Variants in MYO10 observed in about 807,000 individuals in gnomAD.
MYO10 encodes the protein myosin X.
In MYO10, 133 loss-of-function variants were observed where a neutral mutation model predicts 257.3. That is an observed-to-expected ratio of 0.52 (90% confidence interval 0.45 to 0.60). The LOEUF (loss-of-function observed/expected upper bound fraction) is 0.60, where lower values mean the gene tolerates loss of function less well. Ranked by LOEUF, MYO10 falls within the 20% of genes least tolerant of loss-of-function variation. The probability of loss-of-function intolerance (pLI) is 0.00; values close to 1 mark genes in which losing one functional copy is unlikely to be tolerated. For synonymous variants in MYO10, 1,104 were observed against 1,028.6 expected, an observed-to-expected ratio of 1.07 and a Z score of -1.40; for missense variants, 2,399 against 2,635.7, an observed-to-expected ratio of 0.91 and a Z score of 1.97.
In MYO10 at chr5:16,731,044, C is replaced by CT. The variant is rs907400094; in HGVS notation, c.1930-19800dup. Among the ~76,000 whole-genome samples, 1,172 of 136,920 alleles carry CT rather than the reference C, an allele frequency of 8.6e-3. 9 individuals carry two copies. Among genetic ancestry groups the CT allele is most frequent in the East Asian group, 0.038 (180 of 4,676 alleles). The allele number at this position is 136,920 out of a possible 152,430, so 89.8% of individuals were successfully genotyped here. A position where few individuals can be genotyped will look rare whatever the true frequency, so the allele number is the denominator to read the frequency against. On this transcript the variant is annotated intron_variant, in intron 19 of 40. Transcript: ENST00000513610. The stretch of plus-strand genomic sequence containing the variant: ...ATGTACTAGCATTGATCAAAACACA[C>CT]TTTTTTTTTTTTTTTTTTGGAGACT...
At chr5:16,890,495 A>C (rs1301521196) in intron 1 of MYO10, among the ~76,000 whole-genome samples, 1 of 151,814 alleles carries the variant, frequency 6.6e-6, no homozygotes, top group Admixed American at 6.6e-5. Flanking sequence ...CATGTTCATC[A>C]ACTAGTGAAT....
chr5:16,927,213 A>T (rs1185162677), intron 1 of MYO10, among the ~76,000 whole-genome samples: 2 of 150,370 alleles, frequency 1.3e-5, no homozygotes, highest in Admixed American at 6.7e-5. Context: ...TCAGAAACAT[A>T]TATATGAAGG....
At chr5:16,864,014 C>A (rs749147124) in intron 2 of MYO10, among the ~76,000 whole-genome samples, 6 of 152,132 alleles carry the variant, frequency 3.9e-5, no homozygotes, top group Non-Finnish European at 5.9e-5. Context: ...GGGGGGATTG[C>A]TTTAGCCTGG....
intron 2 of MYO10, among the ~76,000 whole-genome samples, chr5:16,869,756 G>A (rs1057422786): frequency 4.0e-5 from 6 of 151,204 alleles, no homozygotes; most frequent in South Asian, 2.1e-4. Flanking sequence ...TCCCAGCTAC[G>A]TAGGAGGCTG....
chr5:16,785,005 G>A (rs899535953), intron 4 of MYO10, among the ~76,000 whole-genome samples: 9 of 9,046 alleles, frequency 9.9e-4, no homozygotes, highest in East Asian at 7.9e-3. Context: ...GGAGGTTTGC[G>A]CGCACACACA....
Position 16,663,347 on chromosome 5 carries a change from T to G in MYO10, c.*3345A>C, listed in dbSNP as rs1736045646. ...CTAGTTGTTTTTTTTTTTTTTTTTTTTTTTTTTTTTTTTTTTTTTTACAAA... is the reference window on the plus strand; with the variant it reads ...CTAGTTGTTTTTTTTTTTTTTTTTTGTTTTTTTTTTTTTTTTTTTTACAAA... On this transcript the variant is annotated 3_prime_UTR_variant, in exon 41 of 41. Coordinates refer to ENST00000513610, the MANE Select transcript of MYO10 (RefSeq NM_012334.3). 1.1e-5 allele frequency: 1 copy of G among 94,046 alleles called. No homozygotes were observed. Among genetic ancestry groups the G allele is most frequent in the African/African-American group, 2.9e-5 (1 of 34,298 alleles). 5.8% of individuals were successfully genotyped at this position (94,046 alleles called of 1,614,324 possible).
chr5:16,928,867 A>C (rs118041218), intron 1 of MYO10, among the ~76,000 whole-genome samples: 5 of 150,880 alleles, frequency 3.3e-5, no homozygotes, highest in African/African-American at 9.8e-5. Context: ...CAACAACAAA[A>C]ACACACACAC....
At chr5:16,736,491 CTG>C (rs1047413407) in intron 19 of MYO10, among the ~76,000 whole-genome samples, 1 of 152,164 alleles carries the variant, frequency 6.6e-6, no homozygotes, top group Non-Finnish European at 1.5e-5. Context: ...TGCTCACAGG[CTG>C]TGTTAGAAGC....
In MYO10 at chr5:16,936,020, G is replaced by A. The variant is rs1177920885; in HGVS notation, c.-212C>T. 1.7e-6 allele frequency: 1 copy of A among 602,782 alleles called. No individual in the cohort carries two copies. Among genetic ancestry groups the A allele is most frequent in the Non-Finnish European group, 2.9e-6 (1 of 339,200 alleles). 37.3% of individuals were successfully genotyped at this position (602,782 alleles called of 1,614,324 possible). On this transcript the variant is annotated 5_prime_UTR_variant, in exon 1 of 41. Coordinates refer to ENST00000513610, the MANE Select transcript of MYO10 (RefSeq NM_012334.3). The stretch of plus-strand genomic sequence containing the variant: ...CCCTAACTCGCCCGTCCCGACGGCA[G>A]CCTTTGTCTCTTCTTCCTCCAAGTT...
At chr5:16,763,575 T>TA (rs1206954007) in intron 13 of MYO10, 28 bp from the exon 14 acceptor site, 1 of 1,598,272 alleles carries the variant, frequency 6.3e-7, no homozygotes, top group Admixed American at 1.7e-5. Flanking sequence ...ACAGCCAAGT[T>TA]AAATGAAAAC....
intron 1 of MYO10, chr5:16,902,547 T>A: frequency 6.3e-7 from 1 of 1,582,228 alleles, no homozygotes; most frequent in Non-Finnish European, 8.6e-7. Flanking sequence ...GGCCTTGTCC[T>A]TGGGCACGCA....
rs1483866689 is a variant in MYO10, at chr5:16,771,097, A to G, written c.931-1894T>C. 2.0e-5 allele frequency among the ~76,000 whole-genome samples: 3 copies of G among 152,234 alleles called. No homozygotes were observed. In the South Asian group the frequency reaches 6.2e-4, roughly 32 times the overall value. On this transcript the variant is annotated intron_variant, in intron 9 of 40. Transcript: ENST00000513610. Reference sequence around the variant, plus strand: ...TTAATTTCTTTATAAAGAAAAAGCAATAATGGCAGGAAAGAAAAGGCAAAC... The same window carrying G: ...TTAATTTCTTTATAAAGAAAAAGCAGTAATGGCAGGAAAGAAAAGGCAAAC...
At chr5:16,671,075 A>C (rs1736436754) in intron 38 of MYO10, 97 bp from the exon 39 acceptor site, 1 of 1,150,586 alleles carries the variant, frequency 8.7e-7, no homozygotes, top group Non-Finnish European at 1.2e-6. Flanking sequence ...GTTTCTCTCA[A>C]ACTCACCTTC....
intron 2 of MYO10, among the ~76,000 whole-genome samples, chr5:16,874,384 C>A (rs1744540552): frequency 7.6e-6 from 1 of 131,516 alleles, no homozygotes; most frequent in Non-Finnish European, 1.6e-5. Flanking sequence ...CATAGTCAGG[C>A]TGCAAAATTT....
intron 29 of MYO10, 65 bp from the exon 30 acceptor site, chr5:16,684,000 T>C (rs2303703): frequency 0.3 from 424,728 of 1,432,588 alleles, 63,851 homozygotes; most frequent in South Asian, 0.38. Context: ...ACTACAGTAA[T>C]ACCTCTAGCC....
intron 1 of MYO10, among the ~76,000 whole-genome samples, chr5:16,922,143 G>T (rs760500576): frequency 1.3e-5 from 2 of 151,916 alleles, no homozygotes; most frequent in Admixed American, 6.6e-5. Context: ...GAACCCGGGA[G>T]GCAGAGGCTG....
chr5:16,831,944 GTTTAT>G (rs1160476266), intron 2 of MYO10, among the ~76,000 whole-genome samples: 2 of 152,138 alleles, frequency 1.3e-5, no homozygotes, highest in Admixed American at 1.3e-4. Context: ...GTGTGTGTGT[GTTTAT>G]TTATTTATTT....
At chr5:16,932,398 C>T (rs1746315900) in intron 1 of MYO10, among the ~76,000 whole-genome samples, 1 of 152,126 alleles carries the variant, frequency 6.6e-6, no homozygotes, top group Admixed American at 6.5e-5. Flanking sequence ...AAACAGTGTC[C>T]ACTTCAGCAC....
At chr5:16,933,274 T>C (rs1356571276) in intron 1 of MYO10, among the ~76,000 whole-genome samples, 1 of 152,094 alleles carries the variant, frequency 6.6e-6, no homozygotes, top group Non-Finnish European at 1.5e-5. Flanking sequence ...CAGGGATGCG[T>C]TTAACCTCCT....
Sources: allele counts gnomAD v4.1 joint callset (sites outside exome capture counted in the v4.1 genomes callset), GRCh38; gene constraint gnomAD v4.1.1; transcripts MANE v1.5; gene names NCBI Gene and HGNC (gene_info 2026-07-23, HGNC 2026-07-21).